Variants in VPS53 observed in about 807,000 individuals in gnomAD.
VPS53 encodes vacuolar protein sorting-associated protein 53 homolog.
VPS53 carries 70 observed loss-of-function variants against 107.0 expected under a neutral mutation model. The observed-to-expected ratio is 0.65, with a 90% CI of 0.54 to 0.80. VPS53 has a LOEUF of 0.80. Among genes scored for constraint, VPS53 ranks in the 30% least tolerant of loss-of-function variants. The pLI is 0.00. For synonymous variants in VPS53, 409 were observed against 393.3 expected (o/e 1.04, Z -0.47); for missense variants, 917 against 1,049.4 (o/e 0.87, Z 1.74).
At chr17:658,007 CG>C in intron 5 of VPS53, among the ~76,000 whole-genome samples, 1 of 105,308 alleles carries the variant, frequency 9.5e-6, no homozygotes, top group East Asian at 2.9e-4. Flanking sequence ...GATACTCGGC[CG>C]TGAGTTCGTG....
intron 9 of VPS53, 121 bp downstream of exon 9, chr17:627,967 G>C (rs1306586785): frequency 9.8e-7 from 1 of 1,024,792 alleles, no homozygotes. Flanking sequence ...AGGACTCACA[G>C]CTCAACAACC....
intron 18 of VPS53, among the ~76,000 whole-genome samples, chr17:535,012 C>G (rs1345144314): frequency 2.0e-5 from 3 of 151,964 alleles, no homozygotes; most frequent in Non-Finnish European, 4.4e-5. Context: ...ACCTGACACA[C>G]GTCCTGTGGG....
intron 13 of VPS53, among the ~76,000 whole-genome samples, chr17:575,635 A>T (rs1236563215): frequency 6.7e-6 from 1 of 149,256 alleles, no homozygotes; most frequent in Non-Finnish European, 1.5e-5. Context: ...AACCTAATGC[A>T]TTCCCAGAGA....
intron 17 of VPS53, 42 bp from the exon 18 acceptor site, chr17:537,218 G>A (rs765999090): frequency 3.2e-5 from 52 of 1,605,464 alleles, no homozygotes; most frequent in Non-Finnish European, 4.3e-5. Context: ...CCTCGCAGGA[G>A]AACGGTGTCG....
At chr17:640,079 C>T (rs1314282748) in intron 7 of VPS53, among the ~76,000 whole-genome samples, 1 of 152,210 alleles carries the variant, frequency 6.6e-6, no homozygotes, top group African/African-American at 2.4e-5. Context: ...CTTTGTTTAC[C>T]TGCTCAAGCC....
intron 7 of VPS53, among the ~76,000 whole-genome samples, chr17:634,064 G>A (rs1970082944): frequency 6.6e-6 from 1 of 152,192 alleles, no homozygotes; most frequent in African/African-American, 2.4e-5. Context: ...CGCTAGCCAG[G>A]GCACCCACAG....
chr17:526,392 T>C (rs984688761), intron 19 of VPS53, among the ~76,000 whole-genome samples: 29 of 152,210 alleles, frequency 1.9e-4, no homozygotes, highest in Non-Finnish European at 4.0e-4. Context: ...CAGGGAGATA[T>C]GACACTTTCA....
At chr17:657,310 C>T (rs1971232431) in intron 5 of VPS53, 1 of 769,970 alleles carries the variant, frequency 1.3e-6, no homozygotes, top group Non-Finnish European at 2.3e-6. Context: ...ATGCTGATGA[C>T]ATCCATGAAC....
intron 4 of VPS53, among the ~76,000 whole-genome samples, chr17:696,309 C>T (rs1294529765): frequency 6.6e-6 from 1 of 152,194 alleles, no homozygotes; most frequent in Admixed American, 6.5e-5. Context: ...CTCCTAATAT[C>T]TGTAAGCAAC....
chr17:672,694 C>T (rs1315046572), intron 4 of VPS53, among the ~76,000 whole-genome samples: 1 of 152,158 alleles, frequency 6.6e-6, no homozygotes, highest in African/African-American at 2.4e-5. Flanking sequence ...AAAGTGAGTG[C>T]CTATTACATG....
chr17:538,112 GCGGGATTCTTGGACTA>G (rs1910256940), intron 17 of VPS53: 1 of 152,296 alleles, frequency 6.6e-6, no homozygotes, highest in Admixed American at 6.5e-5. Context: ...TAGCAAACTG[GCGGGATTCTTGGACTA>G]CGTGGCACTT....
chr17:662,586 A>G (rs1340913068), intron 4 of VPS53, among the ~76,000 whole-genome samples: 2 of 151,994 alleles, frequency 1.3e-5, no homozygotes, highest in African/African-American at 2.4e-5. Context: ...CTACTCAGGA[A>G]GCTGAGGCAG....
chr17:688,301 A>C (rs2143839117), intron 4 of VPS53, among the ~76,000 whole-genome samples: 1 of 152,292 alleles, frequency 6.6e-6, no homozygotes, highest in East Asian at 1.9e-4. Flanking sequence ...CCCTTCGCTC[A>C]GCTCTCATTC....
chr17:633,476 T>C (rs1221929454), intron 7 of VPS53, among the ~76,000 whole-genome samples: 1 of 152,206 alleles, frequency 6.6e-6, no homozygotes, highest in Non-Finnish European at 1.5e-5. Context: ...AAAACCACAA[T>C]TTCTTTGGCT....
chr17:631,726 G>A (rs758199799), intron 7 of VPS53, 98 bp from the exon 8 acceptor site: 1 of 1,080,934 alleles, frequency 9.3e-7, no homozygotes, highest in Non-Finnish European at 1.4e-6. Context: ...TTTCGAGAAA[G>A]GCCAGGAAGG....
chr17:629,316 C>T (rs1171651909), intron 8 of VPS53, among the ~76,000 whole-genome samples: 1 of 152,104 alleles, frequency 6.6e-6, no homozygotes, highest in Non-Finnish European at 1.5e-5. Context: ...GTCATAGATG[C>T]CAAAACCTAT....
chr17:674,920 T>A (rs1447679410), intron 4 of VPS53: 2 of 152,274 alleles, frequency 1.3e-5, no homozygotes, highest in Admixed American at 1.3e-4. Context: ...CGTGGCCTAA[T>A]TCACACATCT....
chr17:580,916 G>A (rs1262478069), intron 13 of VPS53, among the ~76,000 whole-genome samples: 1 of 148,960 alleles, frequency 6.7e-6, no homozygotes, highest in African/African-American at 2.5e-5. Context: ...CGCGTTCCCA[G>A]AGACCCTCCC....
At chr17:659,062 C>T (rs982862537) in intron 5 of VPS53, among the ~76,000 whole-genome samples, 2 of 150,914 alleles carry the variant, frequency 1.3e-5, no homozygotes, top group Non-Finnish European at 3.0e-5. Flanking sequence ...AGGTTAAGAC[C>T]ACCACCACTT....
Sources: allele counts gnomAD v4.1 joint callset (sites outside exome capture counted in the v4.1 genomes callset), GRCh38; gene constraint gnomAD v4.1.1; transcripts MANE v1.5; gene names NCBI Gene and HGNC (gene_info 2026-07-23, HGNC 2026-07-21).